BTD: variants seen among roughly 807,000 people sequenced by gnomAD.
BTD encodes the protein biocytinase.
BTD carries 13 observed loss-of-function variants against 17.7 expected under a neutral mutation model. The ratio of observed to expected loss-of-function variants is 0.74; its 90% CI spans 0.48 to 1.17. The LOEUF (loss-of-function observed/expected upper bound fraction) is 1.17. BTD is among the 50% of genes most tolerant of loss of function. The pLI, the probability that BTD is intolerant of heterozygous loss-of-function variation, is 0.00. For missense variants in BTD, 674 were observed against 650.4 expected, an observed-to-expected ratio of 1.04 and a Z score of -0.39; for synonymous variants, 240 against 245.2, an observed-to-expected ratio of 0.98 and a Z score of 0.20.
At chr3:15,663,394 G>C (rs1323767766) in intron 3 of BTD, among the ~76,000 whole-genome samples, 2 of 152,176 alleles carry the variant, frequency 1.3e-5, no homozygotes, top group Non-Finnish European at 2.9e-5. Context: ...GGAAAACACT[G>C]TATAGAATTG....
At chr3:15,702,817 C>T (rs552604707) in intron 3 of BTD, among the ~76,000 whole-genome samples, 2 of 151,424 alleles carry the variant, frequency 1.3e-5, no homozygotes, top group Admixed American at 1.3e-4. Context: ...GTTCTTACCA[C>T]CCCCCACCAC....
chr3:15,676,853 T>G (rs917976043), intron 3 of BTD: 3 of 700,992 alleles, frequency 4.3e-6, no homozygotes, highest in Non-Finnish European at 6.9e-6. Flanking sequence ...GTTGTAAAAC[T>G]ATTAAAATTG....
intron 3 of BTD, among the ~76,000 whole-genome samples, chr3:15,706,323 G>A (rs1284140262): frequency 6.6e-6 from 1 of 151,604 alleles, no homozygotes; most frequent in Non-Finnish European, 1.5e-5. Context: ...TCTCACCTAT[G>A]AGTGAGAACA....
chr3:15,706,489 T>C (rs1015274324), intron 3 of BTD, among the ~76,000 whole-genome samples: 8 of 152,230 alleles, frequency 5.3e-5, no homozygotes, highest in South Asian at 2.1e-4. Context: ...CAGTCTATCA[T>C]TGATGGACAT....
At chr3:15,712,215 T>C (rs928305551) in exon 4 of BTD, 34 of 1,578,882 alleles carry the variant, frequency 2.2e-5, no homozygotes, top group Non-Finnish European at 2.8e-5. Flanking sequence ...ATTCCATGTA[T>C]GCCACGCCTA....
chr3:15,615,662 A>G (rs954860453), intron 1 of BTD, among the ~76,000 whole-genome samples: 3 of 152,228 alleles, frequency 2.0e-5, no homozygotes. Flanking sequence ...GAAAGTTTAC[A>G]TATACTCCCT....
At chr3:15,666,681 A>G (rs2065999533) in intron 3 of BTD, among the ~76,000 whole-genome samples, 1 of 113,578 alleles carries the variant, frequency 8.8e-6, no homozygotes, top group Admixed American at 9.2e-5. Flanking sequence ...GCTCTCTTGT[A>G]TATTTTCATC....
At chr3:15,628,175 A>G (rs2125421932) in intron 1 of BTD, among the ~76,000 whole-genome samples, 1 of 152,366 alleles carries the variant, frequency 6.6e-6, no homozygotes, top group East Asian at 1.9e-4. Context: ...GACTTGATGT[A>G]GTGACATTGT....
chr3:15,687,146 T>C (rs2068223668), intron 3 of BTD, among the ~76,000 whole-genome samples: 1 of 151,652 alleles, frequency 6.6e-6, no homozygotes, highest in African/African-American at 2.4e-5. Context: ...GGTTTCACCA[T>C]CTAGGCATGG....
chr3:15,679,668 A>G, intron 3 of BTD: 2 of 820,544 alleles, frequency 2.4e-6, no homozygotes, highest in Non-Finnish European at 3.9e-6. Context: ...TCTCTCCCTC[A>G]TCCCATCTCC....
At chr3:15,674,761 T>C (rs1056859255) in intron 3 of BTD, among the ~76,000 whole-genome samples, 5 of 152,158 alleles carry the variant, frequency 3.3e-5, no homozygotes, top group East Asian at 1.9e-4. Flanking sequence ...ACTAGTAATG[T>C]AGAAGGAAAA....
intron 1 of BTD, chr3:15,631,403 A>G (rs748961713): frequency 1.3e-6 from 2 of 1,498,906 alleles, no homozygotes; most frequent in South Asian, 2.4e-5. Flanking sequence ...TGCCTTAATA[A>G]TAATCCCTCT....
Position 15,653,055 on chromosome 3 carries a change from CCAGA to C in BTD, c.*7572_*7575del, listed in dbSNP as rs1244306338. 6.6e-6 allele frequency among the ~76,000 whole-genome samples: 1 copy of C among 152,218 alleles called. No homozygotes were observed. The highest frequency in any genetic ancestry group is 1.5e-5 in the Non-Finnish European group (1 of 68,032). ...CCCGCAGAATTTTGTCTAATCCACC[CCAGA>C]CAGAGTTATCCAACAGCCTGGTATG... On this transcript the variant is annotated 3_prime_UTR_variant, in exon 4 of 4. Coordinates refer to ENST00000643237, the MANE Select transcript of BTD (RefSeq NM_001370658.1).
At chr3:15,659,574 A>T (rs550956012) in intron 3 of BTD, among the ~76,000 whole-genome samples, 2 of 152,212 alleles carry the variant, frequency 1.3e-5, no homozygotes, top group African/African-American at 4.8e-5. Context: ...CATGTTTAAA[A>T]CTGTCTTGAC....
intron 1 of BTD, among the ~76,000 whole-genome samples, chr3:15,618,921 T>A (rs2064870485): frequency 6.6e-6 from 1 of 152,236 alleles, no homozygotes; most frequent in Non-Finnish European, 1.5e-5. Context: ...CCTACAACAT[T>A]GGTATAATAA....
chr3:15,631,313 A>G (rs901743516), intron 1 of BTD: 2 of 777,322 alleles, frequency 2.6e-6, no homozygotes, highest in Non-Finnish European at 3.9e-6. Flanking sequence ...AAGAATGACA[A>G]GATATTTTAT....
intron 3 of BTD, chr3:15,684,139 C>A (rs1014426725): frequency 1.3e-5 from 2 of 152,220 alleles, no homozygotes; most frequent in Non-Finnish European, 2.9e-5. Context: ...AACACTGATG[C>A]TTGCACTGTA....
chr3:15,700,503 C>T (rs1312491100), intron 3 of BTD, among the ~76,000 whole-genome samples: 12 of 151,906 alleles, frequency 7.9e-5, no homozygotes, highest in Admixed American at 2.0e-4. Context: ...GGGCCGGGCG[C>T]GGTGGCTCAT....
chr3:15,645,159 A>T lies in BTD; in HGVS notation c.1243A>T (p.Lys415Ter), dbSNP rs2065660474. The stretch of plus-strand genomic sequence containing the variant: ...ACTTTACGAGAGGCCCACCTTATCC[A>T]AAGAGCTGTATGCCCTGGGGGTCTT... The part of the protein sequence containing the change: ...YLLYERPTLS[K>*]ELYALGVFDG... The change falls in exon 4 of 4, where the codon AAA becomes TAA. Residue 415 changes from lysine to a stop codon, truncating the protein, a stop_gained. Transcript: ENST00000643237. LOFTEE classifies it high-confidence loss of function. 1 of 1,614,184 alleles carries T rather than the reference A, an allele frequency of 6.2e-7. No individual in the cohort carries two copies. Among genetic ancestry groups the T allele is most frequent in the Admixed American group, 1.7e-5 (1 of 60,022 alleles).
Sources: gnomAD v4.1 joint callset for allele counts (sites outside exome capture counted in the v4.1 genomes callset) on GRCh38, gnomAD v4.1.1 for gene constraint, MANE v1.5 for transcripts, NCBI Gene and HGNC (gene_info 2026-07-23, HGNC 2026-07-21) for gene names.